Variants in ABHD2 observed in about 807,000 individuals in gnomAD.
The protein encoded by ABHD2 is abhydrolase domain containing 2, acylglycerol lipase.
ABHD2 carries 20 observed loss-of-function variants against 48.1 expected under a neutral mutation model. The ratio of observed to expected loss-of-function variants is 0.42; its 90% confidence interval spans 0.29 to 0.60. The LOEUF (loss-of-function observed/expected upper bound fraction) is 0.60, where lower values mean the gene tolerates loss of function less well. ABHD2 is among the 20% of genes least tolerant of loss of function. The probability of loss-of-function intolerance (pLI) is 0.24; values close to 1 mark genes in which losing one functional copy is unlikely to be tolerated. For missense variants in ABHD2, 405 were observed against 550.9 expected (o/e 0.74, Z 2.65); for synonymous variants, 209 against 214.2 (o/e 0.98, Z 0.21).
intron 5 of ABHD2, among the ~76,000 whole-genome samples, chr15:89,160,385 T>G (rs2050743729): frequency 6.6e-6 from 1 of 152,212 alleles, no homozygotes; most frequent in Non-Finnish European, 1.5e-5. Flanking sequence ...CTACACCCAG[T>G]ACTGTTCTCA....
chr15:89,151,880 GC>G lies in ABHD2; in HGVS notation c.370+30del, dbSNP rs768389413. 1 of 1,608,584 alleles carries G rather than the reference GC, an allele frequency of 6.2e-7. No homozygotes were observed. The highest frequency in any genetic ancestry group is 8.5e-7 in the Non-Finnish European group (1 of 1,176,804). ...GAGCTGCTTTAGATTGTGTGATTGA[GC>G]CATCACTCAGAGAAGGAGCACTAGT... On this transcript the variant is annotated intron_variant, in intron 4 of 10. Transcript: ENST00000352732. The surrounding 1 kb of genome is among the most constrained non-coding windows in gnomAD (Gnocchi z 4.7).
intron 3 of ABHD2, among the ~76,000 whole-genome samples, chr15:89,127,724 T>TATATATATATATATAC (rs1555428257): frequency 2.8e-5 from 2 of 70,714 alleles, no homozygotes; most frequent in African/African-American, 9.6e-5. Flanking sequence ...TATATACACA[T>TATATATATATATATAC]ATATATATAT....
chr15:89,127,041 C>T (rs1408236921), intron 3 of ABHD2, among the ~76,000 whole-genome samples: 2 of 152,174 alleles, frequency 1.3e-5, no homozygotes, highest in Admixed American at 6.5e-5. Flanking sequence ...GATGCCATTG[C>T]TGTTTGCTAC....
rs2051441402 is a variant in ABHD2, at chr15:89,199,022, G to C, written c.*3599G>C. 1 of 152,162 alleles carries C rather than the reference G, an allele frequency of 6.6e-6. No individual in the cohort carries two copies. The highest frequency in any genetic ancestry group is 2.4e-5 in the African/African-American group (1 of 41,424). The allele number at this position is 152,162 out of a possible 1,614,324, so 9.4% of individuals were successfully genotyped here. On this transcript the variant is annotated 3_prime_UTR_variant, in exon 11 of 11. Coordinates refer to ENST00000352732, the MANE Select transcript of ABHD2 (RefSeq NM_152924.5). The surrounding 1 kb of genome is among the most constrained non-coding windows in gnomAD (Gnocchi z 4.1). ...TCCATCCTCCAGTGTGACTCAGGCA[G>C]AGCATTGAGAATTCCCAGGGCAGAA...
chr15:89,093,852 T>G (rs2049567522), intron 1 of ABHD2: 2 of 152,262 alleles, frequency 1.3e-5, no homozygotes, highest in African/African-American at 4.8e-5. Context: ...ATGGCTAGGC[T>G]TATGTTTAAA....
At chr15:89,118,669 TGG>T (rs2050000495) in intron 3 of ABHD2, among the ~76,000 whole-genome samples, 1 of 152,144 alleles carries the variant, frequency 6.6e-6, no homozygotes, top group Non-Finnish European at 1.5e-5. Context: ...CACCCAGCAT[TGG>T]TTCCTGAGTA....
At chr15:89,063,333 A>T in the ABHD2 span, among the ~76,000 whole-genome samples, 2 of 151,932 alleles carry the variant, frequency 1.3e-5, no homozygotes, top group African/African-American at 4.8e-5. Flanking sequence ...ATTTTTTCTT[A>T]TTACATATGA....
chr15:89,094,932 T>G lies in ABHD2; in HGVS notation c.-107+6369T>G, dbSNP rs1457950474. Reference sequence around the variant, plus strand: ...ACAAAATATTAGCCGGGCATGGTGGTTCACACTCAGAATCCCAGCTACTCG... The same window carrying G: ...ACAAAATATTAGCCGGGCATGGTGGGTCACACTCAGAATCCCAGCTACTCG... On this transcript the variant is annotated intron_variant, in intron 1 of 10. Transcript: ENST00000352732. The surrounding 1 kb of genome is among the most constrained non-coding windows in gnomAD (Gnocchi z 4.7). Among the ~76,000 whole-genome samples, 1 of 151,036 alleles carries G rather than the reference T, an allele frequency of 6.6e-6. No homozygotes were observed. Among genetic ancestry groups the G allele is most frequent in the East Asian group, 1.9e-4 (1 of 5,138 alleles).
rs984346174 is a variant in ABHD2 at position 89,195,718 on chromosome 15, T to C, written c.*295T>C. ...TGGTTGCTTTTAAGCCAAGTACATC[T>C]AGTTTCCCTATTAAAAATGTGTCTG... On this transcript the variant is annotated 3_prime_UTR_variant, in exon 11 of 11. Coordinates refer to ENST00000352732, the MANE Select transcript of ABHD2 (RefSeq NM_152924.5). The surrounding 1 kb of genome is among the most constrained non-coding windows in gnomAD (Gnocchi z 5.1). 2.7e-5 allele frequency: 9 copies of C among 336,432 alleles called. No individual in the cohort carries two copies. The highest frequency in any genetic ancestry group is 4.9e-5 in the Non-Finnish European group (9 of 183,318). The allele number at this position is 336,432 out of a possible 1,614,324, so 20.8% of individuals were successfully genotyped here.
At position 89,168,555 on chromosome 15, in the gene ABHD2, C is replaced by T. The variant is rs149227808; in HGVS notation, c.539-7257C>T. On this transcript the variant is annotated intron_variant, in intron 5 of 10. Coordinates refer to ENST00000352732, the MANE Select transcript of ABHD2 (RefSeq NM_152924.5). This position sits in a 1 kb window ranked among gnomAD's most constrained non-coding sequence, Gnocchi z 4.8. ...GGAGAGGTGGCATCTCTTCACAGAA[C>T]ATCCAGCAGTCTGTCTGACATCAGG... Among the ~76,000 whole-genome samples the T allele has an allele frequency of 1.8e-4, 27 of 152,312 alleles. No individual in the cohort carries two copies. The East Asian group carries it at 5.0e-3, about 28-fold the overall frequency.
intron 3 of ABHD2, among the ~76,000 whole-genome samples, chr15:89,138,556 T>G (rs2050351701): frequency 6.6e-6 from 1 of 152,228 alleles, no homozygotes; most frequent in Admixed American, 6.5e-5. Context: ...CAGATGTATC[T>G]TCTGCAGAAA....
rs1013500101 is a variant in ABHD2, at chr15:89,186,039, A to G, written c.815+523A>G. ...GCCTTATGCTTTTATAATTCCCAGT[A>G]AATCTAAGACAATGAACCACTTCCA... On this transcript the variant is annotated intron_variant, in intron 7 of 10. Coordinates refer to ENST00000352732, the MANE Select transcript of ABHD2 (RefSeq NM_152924.5). This position sits in a 1 kb window ranked among gnomAD's most constrained non-coding sequence, Gnocchi z 4.3. Among the ~76,000 whole-genome samples, 4 of 152,228 alleles carry G rather than the reference A, an allele frequency of 2.6e-5. No homozygotes were observed. The highest frequency in any genetic ancestry group is 9.6e-5 in the African/African-American group (4 of 41,462).
intron 5 of ABHD2, among the ~76,000 whole-genome samples, chr15:89,157,515 GT>G (rs1328689531): frequency 6.6e-6 from 1 of 152,152 alleles, no homozygotes; most frequent in African/African-American, 2.4e-5. Context: ...TACAGACTCC[GT>G]TCTGTTCAGC....
rs2050808866 is a variant in ABHD2 at position 89,164,544 on chromosome 15, T to C, written c.538+9010T>C. Among the ~76,000 whole-genome samples the C allele has an allele frequency of 6.6e-6, 1 of 152,126 alleles. No homozygotes were observed. Reference sequence around the variant, plus strand: ...GCTCACACCTGTAATCCCAGCACTTTGGGACGCCCAGGCTGGCAGATCACT... The same window carrying C: ...GCTCACACCTGTAATCCCAGCACTTCGGGACGCCCAGGCTGGCAGATCACT... On this transcript the variant is annotated intron_variant, in intron 5 of 10. Transcript: ENST00000352732. The surrounding 1 kb of genome is among the most constrained non-coding windows in gnomAD (Gnocchi z 5.0).
rs1288071174 is a variant in ABHD2, at chr15:89,091,833, G to T, written c.-107+3270G>T. ...ACCAGTTTCAGAGTATAGATGATGT[G>T]GGGCATGAGTTGCTTTAGCCTTTCT... On this transcript the variant is annotated intron_variant, in intron 1 of 10. Transcript: ENST00000352732. This position sits in a 1 kb window ranked among gnomAD's most constrained non-coding sequence, Gnocchi z 5.5. 6.6e-6 allele frequency among the ~76,000 whole-genome samples: 1 copy of T among 152,146 alleles called. No individual in the cohort carries two copies. Among genetic ancestry groups the T allele is most frequent in the Non-Finnish European group, 1.5e-5 (1 of 68,042 alleles).
intron 3 of ABHD2, among the ~76,000 whole-genome samples, chr15:89,125,375 C>T (rs996884464): frequency 2.6e-5 from 4 of 152,164 alleles, no homozygotes; most frequent in Admixed American, 2.6e-4. Flanking sequence ...ACCTTCAGAG[C>T]ATATTCACCT....
intron 3 of ABHD2, among the ~76,000 whole-genome samples, chr15:89,148,794 T>C (rs1284290403): frequency 1.3e-5 from 2 of 152,228 alleles, no homozygotes; most frequent in Non-Finnish European, 2.9e-5. Flanking sequence ...CGCTACATTT[T>C]CGAACTACCA....
intron 6 of ABHD2, among the ~76,000 whole-genome samples, chr15:89,180,239 G>A (rs1219492053): frequency 6.6e-6 from 1 of 152,170 alleles, no homozygotes; most frequent in Non-Finnish European, 1.5e-5. Context: ...CCACATGGTT[G>A]CCCTTAGTGC....
intron 6 of ABHD2, among the ~76,000 whole-genome samples, chr15:89,180,589 G>A (rs1685157644): frequency 6.6e-6 from 1 of 152,158 alleles, no homozygotes; most frequent in African/African-American, 2.4e-5. Context: ...GCCCCTGAAG[G>A]GCAACCTGCT....
Sources: gnomAD v4.1 joint callset for allele counts (sites outside exome capture counted in the v4.1 genomes callset) on GRCh38, gnomAD v4.1.1 for gene constraint, Gnocchi (gnomAD v3.1) non-coding constraint, MANE v1.5 for transcripts, NCBI Gene and HGNC (gene_info 2026-07-23, HGNC 2026-07-21) for gene names.